Variants in DGKB observed in about 807,000 individuals in gnomAD.
The protein encoded by DGKB is 90 kDa diacylglycerol kinase.
In DGKB, 67 loss-of-function variants were observed where a neutral mutation model predicts 114.3. The ratio of observed to expected loss-of-function variants is 0.59; its 90% confidence interval spans 0.48 to 0.72. DGKB has a LOEUF of 0.72. Among genes scored for constraint, DGKB ranks in the 30% least tolerant of loss-of-function variants. The pLI, the probability that DGKB is intolerant of heterozygous loss-of-function variation, is 0.00. For synonymous variants in DGKB, 398 were observed against 323.1 expected (o/e 1.23, Z -2.49); for missense variants, 907 against 975.2 (o/e 0.93, Z 0.93).
intron 1 of DGKB, among the ~76,000 whole-genome samples, chr7:14,869,387 A>G (rs1248377101): frequency 6.6e-6 from 1 of 152,166 alleles, no homozygotes; most frequent in Non-Finnish European, 1.5e-5. Context: ...TTTAAAGCTT[A>G]AAGGTTTTCT....
At chr7:14,772,279 T>C (rs983200465) in intron 2 of DGKB, among the ~76,000 whole-genome samples, 4 of 152,146 alleles carry the variant, frequency 2.6e-5, no homozygotes, top group Admixed American at 2.6e-4. Context: ...ACTCTTTTCA[T>C]TGACAGCAAG....
chr7:14,921,240 G>C (rs1163101400), intron 1 of DGKB, among the ~76,000 whole-genome samples: 1 of 152,134 alleles, frequency 6.6e-6, no homozygotes, highest in Non-Finnish European at 1.5e-5. Flanking sequence ...AACTGTAATT[G>C]TGGATGCATG....
At chr7:14,550,065 C>T (rs927571334) in intron 20 of DGKB, among the ~76,000 whole-genome samples, 30 of 151,224 alleles carry the variant, frequency 2.0e-4, no homozygotes, top group African/African-American at 7.3e-4. Context: ...AAAACTAAAA[C>T]AGTAATTTTG....
chr7:14,645,362 G>C (rs775617635), intron 13 of DGKB, among the ~76,000 whole-genome samples: 8 of 152,074 alleles, frequency 5.3e-5, no homozygotes, highest in Non-Finnish European at 5.9e-5. Flanking sequence ...GTTCCTGCTT[G>C]CTGAGCTATA....
intron 5 of DGKB, among the ~76,000 whole-genome samples, chr7:14,723,163 A>G (rs1829482430): frequency 6.6e-6 from 1 of 152,128 alleles, no homozygotes; most frequent in Non-Finnish European, 1.5e-5. Flanking sequence ...TCAGAAGCTT[A>G]GGAGACAACA....
chr7:14,557,370 C>A (rs1442238927), intron 20 of DGKB, among the ~76,000 whole-genome samples: 1 of 151,864 alleles, frequency 6.6e-6, no homozygotes, highest in Non-Finnish European at 1.5e-5. Flanking sequence ...GTATTTATTT[C>A]TTTCTGTTAA....
intron 2 of DGKB, among the ~76,000 whole-genome samples, chr7:14,801,291 G>A (rs142844349): frequency 6.6e-6 from 1 of 152,130 alleles, no homozygotes. Context: ...GCAGAATTAT[G>A]ATCTTGTTAC....
Position 14,377,364 on chromosome 7 carries a change from A to G in DGKB, c.1836-31973T>C, listed in dbSNP as rs150762107. Among the ~76,000 whole-genome samples, 4 of 152,308 alleles carry G rather than the reference A, an allele frequency of 2.6e-5. No individual in the cohort carries two copies. The East Asian group carries it at 7.7e-4, about 29-fold the overall frequency. On this transcript the variant is annotated intron_variant, in intron 21 of 25. Coordinates refer to ENST00000402815, the MANE Select transcript of DGKB (RefSeq NM_001350709.2). ...TATTATAATGTACTAAGCTCTTAAG[A>G]GAGAAAGAAAAAAGAAAATTGTTTT...
intron 1 of DGKB, among the ~76,000 whole-genome samples, chr7:14,936,821 C>A (rs2128252897): frequency 6.6e-6 from 1 of 152,172 alleles, no homozygotes; most frequent in South Asian, 2.1e-4. Flanking sequence ...GGAATGTGAA[C>A]CTTGAGCAGT....
At chr7:14,890,668 A>G (rs217585) in intron 1 of DGKB, among the ~76,000 whole-genome samples, 148,214 of 151,332 alleles carry the variant, frequency 0.98, 72,596 homozygotes, top group East Asian at 1. Flanking sequence ...CTCCGAGAAA[A>G]TGACATAGCA....
intron 21 of DGKB, among the ~76,000 whole-genome samples, chr7:14,441,720 C>T (rs1830114205): frequency 6.6e-6 from 1 of 151,968 alleles, no homozygotes; most frequent in Non-Finnish European, 1.5e-5. Context: ...TAATTTTCAT[C>T]ATTATGTGTC....
chr7:14,676,476 C>A (rs985409615), intron 12 of DGKB, among the ~76,000 whole-genome samples: 1 of 151,912 alleles, frequency 6.6e-6, no homozygotes, highest in African/African-American at 2.4e-5. Context: ...GGATGGATAC[C>A]CCATTCTCCA....
chr7:14,179,940 A>G lies in DGKB; in HGVS notation c.2123-1789T>C, dbSNP rs1170102552. On this transcript the variant is annotated intron_variant, in intron 23 of 25. Transcript: ENST00000402815. ...CTAGTTTAAATTCATGTTGCCAAGA[A>G]CAGATGGACAAGGAATGGAAACATA... Among the ~76,000 whole-genome samples, 4 of 152,304 alleles carry G rather than the reference A, an allele frequency of 2.6e-5. No individual in the cohort carries two copies. The East Asian group carries it at 7.7e-4, about 29-fold the overall frequency.
intron 2 of DGKB, among the ~76,000 whole-genome samples, chr7:14,789,882 C>G (rs1450109350): frequency 6.6e-6 from 1 of 152,124 alleles, no homozygotes; most frequent in Non-Finnish European, 1.5e-5. Flanking sequence ...TTCCAGAGTG[C>G]TGAAAAACCA....
rs557516281 is a variant in DGKB at position 14,960,247 on chromosome 7, C to A, written c.-188+14449G>T. ...CGTTTAGTTTACTTTGAAAATTTTGCTGCCACTCAAAACAGTACTTAAAGA... is the reference window on the plus strand; with the variant it reads ...CGTTTAGTTTACTTTGAAAATTTTGATGCCACTCAAAACAGTACTTAAAGA... On this transcript the variant is annotated intron_variant, in intron 1 of 4. Transcript: ENST00000437998. 2.0e-5 allele frequency among the ~76,000 whole-genome samples: 3 copies of A among 152,148 alleles called. No homozygotes were observed. The South Asian group carries it at 6.2e-4, about 32-fold the overall frequency.
At chr7:14,365,366 C>T (rs1336658011) in intron 21 of DGKB, among the ~76,000 whole-genome samples, 4 of 151,974 alleles carry the variant, frequency 2.6e-5, no homozygotes, top group African/African-American at 4.8e-5. Context: ...TAATTATAAT[C>T]CTTAACTTCA....
intron 1 of DGKB, among the ~76,000 whole-genome samples, chr7:14,949,254 C>G (rs190676653): frequency 1.3e-5 from 2 of 151,882 alleles, no homozygotes; most frequent in African/African-American, 4.8e-5. Flanking sequence ...TTACACTCAT[C>G]GCCTAAGCAA....
At chr7:14,935,025 G>T (rs17372197) in intron 1 of DGKB, among the ~76,000 whole-genome samples, 21,739 of 152,164 alleles carry the variant, frequency 0.14, 1,641 homozygotes, top group Admixed American at 0.2. Context: ...GCTAATTTGA[G>T]TATTACTGTA....
At chr7:14,689,269 G>C (rs1387405127) in intron 9 of DGKB, among the ~76,000 whole-genome samples, 29 of 143,520 alleles carry the variant, frequency 2.0e-4, no homozygotes, top group Non-Finnish European at 4.3e-4. Flanking sequence ...GCAGTGGCGC[G>C]ATCTCGGCTC....
Sources: allele counts gnomAD v4.1 joint callset (sites outside exome capture counted in the v4.1 genomes callset), GRCh38; gene constraint gnomAD v4.1.1; transcripts MANE v1.5; gene names NCBI Gene and HGNC (gene_info 2026-07-23, HGNC 2026-07-21).